Variants in NTSR1 observed in about 807,000 individuals in gnomAD.
NTSR1 encodes the protein neurotensin receptor 1.
NTSR1 carries 29 observed loss-of-function variants against 31.2 expected under a neutral mutation model. The observed-to-expected ratio is 0.93, with a 90% confidence interval of 0.69 to 1.27. NTSR1 has a LOEUF of 1.27. NTSR1 is among the 50% of genes most tolerant of loss of function. The pLI is 0.00. For missense variants in NTSR1, 697 were observed against 595.4 expected (o/e 1.17, Z -1.78); for synonymous variants, 282 against 269.9 (o/e 1.04, Z -0.44).
At chr20:62,719,557 C>G (rs1437069367) in intron 1 of NTSR1, among the ~76,000 whole-genome samples, 1 of 152,186 alleles carries the variant, frequency 6.6e-6, no homozygotes, top group African/African-American at 2.4e-5. Flanking sequence ...CAAACTGAAG[C>G]TCTGCGCCTG....
rs1392781554 is a variant in NTSR1, at chr20:62,745,460, GAT to G, written c.715-9223_715-9222del. On this transcript the variant is annotated intron_variant, in intron 1 of 3. Coordinates refer to ENST00000370501, the MANE Select transcript of NTSR1 (RefSeq NM_002531.3). The surrounding 1 kb of genome is among the most constrained non-coding windows in gnomAD (Gnocchi z 4.1). ...GAGAACAGAGACACAGAGATACAGA[GAT>G]AGAGACACAGGAACAACAGAGACAC... Among the ~76,000 whole-genome samples, 4 of 151,982 alleles carry G rather than the reference GAT, an allele frequency of 2.6e-5. No individual in the cohort carries two copies. Among genetic ancestry groups the G allele is most frequent in the African/African-American group, 9.7e-5 (4 of 41,366 alleles).
Position 62,742,064 on chromosome 20 carries a change from C to A in NTSR1, c.715-12621C>A, listed in dbSNP as rs994052471. Among the ~76,000 whole-genome samples the A allele has an allele frequency of 6.7e-6, 1 of 149,530 alleles. No individual in the cohort carries two copies. Among genetic ancestry groups the A allele is most frequent in the Non-Finnish European group, 1.5e-5 (1 of 68,008 alleles). ...AAAGTGAAGGTTAGAGGAATTCAAA[C>A]CGTTATTTTTAATACTGAGCCAAAA... On this transcript the variant is annotated intron_variant, in intron 1 of 3. Transcript: ENST00000370501. The surrounding 1 kb of genome is among the most constrained non-coding windows in gnomAD (Gnocchi z 7.1).
rs1989264602 is a variant in NTSR1 at position 62,744,592 on chromosome 20, G to T, written c.715-10093G>T. ...AAATACAAAATTAGCCAGGCATGGTGGCACATGCCTGTAATCCCAGCTACT... is the reference window on the plus strand; with the variant it reads ...AAATACAAAATTAGCCAGGCATGGTTGCACATGCCTGTAATCCCAGCTACT... On this transcript the variant is annotated intron_variant, in intron 1 of 3. Coordinates refer to ENST00000370501, the MANE Select transcript of NTSR1 (RefSeq NM_002531.3). The surrounding 1 kb of genome is among the most constrained non-coding windows in gnomAD (Gnocchi z 4.1). Among the ~76,000 whole-genome samples the T allele has an allele frequency of 6.6e-6, 1 of 151,856 alleles. No individual in the cohort carries two copies. Among genetic ancestry groups the T allele is most frequent in the Non-Finnish European group, 1.5e-5 (1 of 67,940 alleles).
rs1989037823 is a variant in NTSR1 at position 62,733,654 on chromosome 20, G to C, written c.715-21031G>C. Among the ~76,000 whole-genome samples, 1 of 150,926 alleles carries C rather than the reference G, an allele frequency of 6.6e-6. No individual in the cohort carries two copies. The highest frequency in any genetic ancestry group is 2.4e-5 in the African/African-American group (1 of 40,818). On this transcript the variant is annotated intron_variant, in intron 1 of 3. Transcript: ENST00000370501. The surrounding 1 kb of genome is among the most constrained non-coding windows in gnomAD (Gnocchi z 5.2). The stretch of plus-strand genomic sequence containing the variant: ...AAAAGAGGGAGATAGAGAAGAGAGA[G>C]GGAGAGAGAAAAGGAAAGAGAGGAG...
At chr20:62,739,140 T>C (rs1281019907) in intron 1 of NTSR1, among the ~76,000 whole-genome samples, 1 of 152,168 alleles carries the variant, frequency 6.6e-6, no homozygotes, top group Non-Finnish European at 1.5e-5. Flanking sequence ...TGGGGACCCG[T>C]TGGGCTCTTG....
Position 62,745,686 on chromosome 20 carries a change from C to G in NTSR1, c.715-8999C>G, listed in dbSNP as rs1568707793. The stretch of plus-strand genomic sequence containing the variant: ...AGACAGACAGAGACACATATTCTGC[C>G]TCGCCTCCAAATCCAGCTTGGCGTG... On this transcript the variant is annotated intron_variant, in intron 1 of 3. Coordinates refer to ENST00000370501, the MANE Select transcript of NTSR1 (RefSeq NM_002531.3). This position sits in a 1 kb window ranked among gnomAD's most constrained non-coding sequence, Gnocchi z 4.1. 6.6e-6 allele frequency among the ~76,000 whole-genome samples: 1 copy of G among 152,244 alleles called. No individual in the cohort carries two copies. Among genetic ancestry groups the G allele is most frequent in the African/African-American group, 2.4e-5 (1 of 41,456 alleles).
rs1341523134 is a variant in NTSR1, at chr20:62,731,413, G to A, written c.714+21492G>A. ...AATTTCTTAATTTTAATGAAGTCCAGCTTATTCATTTTTTTTGTGGATTAT... is the reference window on the plus strand; with the variant it reads ...AATTTCTTAATTTTAATGAAGTCCAACTTATTCATTTTTTTTGTGGATTAT... On this transcript the variant is annotated intron_variant, in intron 1 of 3. Coordinates refer to ENST00000370501, the MANE Select transcript of NTSR1 (RefSeq NM_002531.3). Among the ~76,000 whole-genome samples the A allele has an allele frequency of 2.0e-5, 3 of 152,108 alleles. No individual in the cohort carries two copies. The East Asian group carries it at 5.8e-4, about 29-fold the overall frequency.
chr20:62,747,072 G>T (rs56389715), intron 1 of NTSR1, among the ~76,000 whole-genome samples: 1 of 152,096 alleles, frequency 6.6e-6, no homozygotes. Context: ...CCCTGGGATG[G>T]AAACACAGTT....
At position 62,709,169 on chromosome 20, in the gene NTSR1, C is replaced by G. The variant is rs1988536562; in HGVS notation, c.-39C>G. On this transcript the variant is annotated 5_prime_UTR_variant, in exon 1 of 4. Coordinates refer to ENST00000370501, the MANE Select transcript of NTSR1 (RefSeq NM_002531.3). ...CCACTCCTGCCCGGACTTCCAGCCC[C>G]GGAGGCGCCGGACAGAGCCGCGGAC... The G allele has an allele frequency of 1.5e-6, 2 of 1,367,398 alleles. No homozygotes were observed. The highest frequency in any genetic ancestry group is 9.4e-7 in the Non-Finnish European group (1 of 1,062,346). The allele number at this position is 1,367,398 out of a possible 1,614,324, so 84.7% of individuals were successfully genotyped here.
In NTSR1 at chr20:62,711,200, G is replaced by A. The variant is rs948959185; in HGVS notation, c.714+1279G>A. ...AGTCTCCCTGGCTGCACATAGAACT[G>A]GTGGCTACAGGTGTCCCATCTCGGG... On this transcript the variant is annotated intron_variant, in intron 1 of 3. Coordinates refer to ENST00000370501, the MANE Select transcript of NTSR1 (RefSeq NM_002531.3). This position sits in a 1 kb window ranked among gnomAD's most constrained non-coding sequence, Gnocchi z 6.4. Among the ~76,000 whole-genome samples, 1 of 152,138 alleles carries A rather than the reference G, an allele frequency of 6.6e-6. No individual in the cohort carries two copies. The highest frequency in any genetic ancestry group is 1.5e-5 in the Non-Finnish European group (1 of 68,002).
At chr20:62,746,124 A>AG (rs1389584513) in intron 1 of NTSR1, among the ~76,000 whole-genome samples, 3 of 152,160 alleles carry the variant, frequency 2.0e-5, no homozygotes, top group Admixed American at 6.5e-5. Flanking sequence ...GCCAGGGGGA[A>AG]GGTCAAGGCT....
rs1989242314 is a variant in NTSR1 at position 62,743,607 on chromosome 20, G to GC, written c.715-11074dup. ...TGGACAGGAGCCTCCCCTCCCACCC[G>GC]CCCCGCAGCCTCTGCAGCCATCTTA... On this transcript the variant is annotated intron_variant, in intron 1 of 3. Transcript: ENST00000370501. The surrounding 1 kb of genome is among the most constrained non-coding windows in gnomAD (Gnocchi z 7.5). 7.9e-6 allele frequency among the ~76,000 whole-genome samples: 1 copy of GC among 126,252 alleles called. No individual in the cohort carries two copies. The highest frequency in any genetic ancestry group is 2.3e-4 in the East Asian group (1 of 4,312). The allele number at this position is 126,252 out of a possible 152,430, so 82.8% of individuals were successfully genotyped here.
In NTSR1 at chr20:62,733,754, A is replaced by AAAGGGAGG. The variant is rs1193806285; in HGVS notation, c.715-20928_715-20921dup. Among the ~76,000 whole-genome samples the AAAGGGAGG allele has an allele frequency of 1.3e-5, 2 of 151,580 alleles. No homozygotes were observed. Among genetic ancestry groups the AAAGGGAGG allele is most frequent in the African/African-American group, 4.9e-5 (2 of 41,214 alleles). On this transcript the variant is annotated intron_variant, in intron 1 of 3. Transcript: ENST00000370501. The surrounding 1 kb of genome is among the most constrained non-coding windows in gnomAD (Gnocchi z 5.2). ...GAGAAGGAGAGAGAGACACAGAGAGAAAGGGAGGAACAGAGGAGAGAGAGG... is the reference window on the plus strand; with the variant it reads ...GAGAAGGAGAGAGAGACACAGAGAGAAAGGGAGGAAGGGAGGAACAGAGGAGAGAGAGG...
At chr20:62,753,458 C>A (rs78210014) in intron 1 of NTSR1, among the ~76,000 whole-genome samples, 6 of 152,300 alleles carry the variant, frequency 3.9e-5, no homozygotes, top group Admixed American at 6.5e-5. Flanking sequence ...GGGAATCCCA[C>A]GGCAGATACC....
chr20:62,723,380 A>G (rs1392509530), intron 1 of NTSR1, among the ~76,000 whole-genome samples: 3 of 152,136 alleles, frequency 2.0e-5, no homozygotes, highest in African/African-American at 7.2e-5. Flanking sequence ...GAGGGACCGC[A>G]AGTGTGTCTG....
Position 62,730,654 on chromosome 20 carries a change from GT to G in NTSR1, c.714+20735del, listed in dbSNP as rs1420539828. The stretch of plus-strand genomic sequence containing the variant: ...AAGGATACGTTGAGCTTTGTAGGAA[GT>G]TGCCAAAGTGCCTTCCAGCACGGCT... On this transcript the variant is annotated intron_variant, in intron 1 of 3. Coordinates refer to ENST00000370501, the MANE Select transcript of NTSR1 (RefSeq NM_002531.3). Among the ~76,000 whole-genome samples, 6 of 152,382 alleles carry G rather than the reference GT, an allele frequency of 3.9e-5. No individual in the cohort carries two copies. The East Asian group carries it at 9.6e-4, about 24-fold the overall frequency.
At chr20:62,736,591 GCGAGGACTC>G (rs530616415) in intron 1 of NTSR1, among the ~76,000 whole-genome samples, 3 of 152,324 alleles carry the variant, frequency 2.0e-5, no homozygotes, top group Admixed American at 1.3e-4. Flanking sequence ...CCCTTTCCCA[GCGAGGACTC>G]CGAGGACTCC....
chr20:62,727,132 G>A (rs536473269), intron 1 of NTSR1, among the ~76,000 whole-genome samples: 42 of 152,290 alleles, frequency 2.8e-4, no homozygotes, highest in Non-Finnish European at 4.6e-4. Flanking sequence ...CCTGGGAAGC[G>A]GGTTGCCTGC....
rs890153076 is a variant in NTSR1, at chr20:62,745,913, C to T, written c.715-8772C>T. Among the ~76,000 whole-genome samples, 27 of 152,208 alleles carry T rather than the reference C, an allele frequency of 1.8e-4. No individual in the cohort carries two copies. The highest frequency in any genetic ancestry group is 2.9e-4 in the Non-Finnish European group (20 of 68,034). On this transcript the variant is annotated intron_variant, in intron 1 of 3. Coordinates refer to ENST00000370501, the MANE Select transcript of NTSR1 (RefSeq NM_002531.3). The surrounding 1 kb of genome is among the most constrained non-coding windows in gnomAD (Gnocchi z 4.1). ...CTCCCTGCTCTCTTTAGAGACAAAT[C>T]GAAAGGCGCCAGGGTGCTGTGGCAT...
Sources: allele counts gnomAD v4.1 joint callset (sites outside exome capture counted in the v4.1 genomes callset), GRCh38; gene constraint gnomAD v4.1.1; non-coding constraint Gnocchi (gnomAD v3.1); transcripts MANE v1.5; gene names NCBI Gene and HGNC (gene_info 2026-07-23, HGNC 2026-07-21).